The following PGAP1 variants were observed in gnomAD, a reference collection of about 807,000 sequenced individuals.
PGAP1 encodes the protein post-GPI attachment to proteins inositol deacylase 1.
A neutral mutation model predicts 127.0 loss-of-function variants in PGAP1; 76 were observed. The observed-to-expected ratio is 0.60, with a 90% CI of 0.50 to 0.72. PGAP1 has a LOEUF of 0.72. PGAP1 is among the 30% of genes least tolerant of loss of function. The probability of loss-of-function intolerance (pLI) is 0.00; values close to 1 mark genes in which losing one functional copy is unlikely to be tolerated. For missense variants in PGAP1, 982 were observed against 1,071.3 expected (o/e 0.92, Z 1.16); for synonymous variants, 362 against 366.5 (o/e 0.99, Z 0.14).
intron 5 of PGAP1, among the ~76,000 whole-genome samples, chr2:196,900,721 C>T (rs901940866): frequency 7.9e-5 from 12 of 152,142 alleles, no homozygotes; most frequent in Admixed American, 3.3e-4. Flanking sequence ...GTCAGGAGAT[C>T]GAGACCATCC....
intron 2 of PGAP1, among the ~76,000 whole-genome samples, chr2:196,918,973 G>A (rs976808878): frequency 5.3e-5 from 8 of 152,040 alleles, no homozygotes; most frequent in Non-Finnish European, 8.8e-5. Flanking sequence ...GATATGGCCC[G>A]TGGTTACTTT....
At chr2:196,897,749 T>A (rs1702334482) in intron 6 of PGAP1, among the ~76,000 whole-genome samples, 1 of 152,140 alleles carries the variant, frequency 6.6e-6, no homozygotes, top group Non-Finnish European at 1.5e-5. Context: ...ACTCAAAAAC[T>A]TTGGTATTTG....
chr2:196,872,928 A>C, intron 17 of PGAP1, 32 bp downstream of exon 17: 1 of 770,236 alleles, frequency 1.3e-6, no homozygotes, highest in Non-Finnish European at 2.2e-6. Flanking sequence ...CAAAAACACC[A>C]AAGTTTAAAG....
chr2:196,898,269 G>A, intron 6 of PGAP1, 48 bp downstream of exon 6: 3 of 1,261,234 alleles, frequency 2.4e-6, no homozygotes, highest in Non-Finnish European at 3.4e-6. Context: ...TGAGGAGAAA[G>A]AGGACCATGA....
chr2:196,833,588 A>G lies in PGAP1; in HGVS notation c.*7646T>C, dbSNP rs559492203. On this transcript the variant is annotated 3_prime_UTR_variant, in exon 27 of 27. Coordinates refer to ENST00000354764, the MANE Select transcript of PGAP1 (RefSeq NM_024989.4). ...TTTATTACATACCCTTGCTCAAACT[A>G]CCTTCATGTCAATAAGATCATGTTT... The G allele has an allele frequency of 4.8e-4, 73 of 152,278 alleles. No homozygotes were observed. Among genetic ancestry groups the G allele is most frequent in the African/African-American group, 1.7e-3 (70 of 41,578 alleles). 9.4% of individuals were successfully genotyped at this position (152,278 alleles called of 1,614,324 possible). A position where few individuals can be genotyped will look rare whatever the true frequency, so the allele number is the denominator to read the frequency against.
In PGAP1 at chr2:196,919,993, T is replaced by A; in HGVS notation, c.301+4A>T. The stretch of plus-strand genomic sequence containing the variant: ...TTTCAAAATTTACTTCCAGTAAGAC[T>A]TACCTTGCTTATAACTTCCAGCATT... On this transcript the variant is annotated splice_donor_region_variant and intron_variant, in intron 2 of 26. Transcript: ENST00000354764. 6.2e-7 allele frequency: 1 copy of A among 1,604,230 alleles called. No individual in the cohort carries two copies. Among genetic ancestry groups the A allele is most frequent in the Non-Finnish European group, 8.5e-7 (1 of 1,176,954 alleles).
At chr2:196,914,019 G>C (rs1402706542) in intron 3 of PGAP1, among the ~76,000 whole-genome samples, 1 of 152,236 alleles carries the variant, frequency 6.6e-6, no homozygotes, top group South Asian at 2.1e-4. Context: ...CACTATTTCA[G>C]CCATGTCACA....
chr2:196,881,825 CT>C (rs1701742714), intron 12 of PGAP1, among the ~76,000 whole-genome samples: 1 of 152,212 alleles, frequency 6.6e-6, no homozygotes, highest in African/African-American at 2.4e-5. Context: ...TGTCTGTTCA[CT>C]CTGTTGATAG....
intron 20 of PGAP1, among the ~76,000 whole-genome samples, chr2:196,855,325 C>CAAA (rs112534782): frequency 0.017 from 1,122 of 66,988 alleles, 17 homozygotes; most frequent in Middle Eastern, 0.053. Flanking sequence ...ACTCTGTCAC[C>CAAA]AAAAAAAAAA....
intron 1 of PGAP1, among the ~76,000 whole-genome samples, chr2:196,920,684 C>T (rs1426210496): frequency 1.3e-5 from 2 of 152,100 alleles, no homozygotes; most frequent in African/African-American, 2.4e-5. Flanking sequence ...CTTTGGCCTA[C>T]AATATGTGTA....
In PGAP1 at chr2:196,926,619, TGCCGCCACCACCGCCGCCGCC is replaced by T. The variant is rs752609781; in HGVS notation, c.-24_-4del. ...AGATTAACTGAGTGAAGAAACATGGTGCCGCCACCACCGCCGCCGCCGCCGCCGCCCCCTCTACCTCCTTCT... is the reference window on the plus strand; with the variant it reads ...AGATTAACTGAGTGAAGAAACATGGTGCCGCCGCCCCCTCTACCTCCTTCT... On this transcript the variant is annotated 5_prime_UTR_variant, in exon 1 of 27. Transcript: ENST00000354764. 1.9e-6 allele frequency: 3 copies of T among 1,613,884 alleles called. No individual in the cohort carries two copies. The highest frequency in any genetic ancestry group is 2.2e-5 in the South Asian group (2 of 91,080).
At chr2:196,867,062 G>A (rs1701266863) in intron 19 of PGAP1, among the ~76,000 whole-genome samples, 1 of 152,128 alleles carries the variant, frequency 6.6e-6, no homozygotes, top group Non-Finnish European at 1.5e-5. Context: ...AACCATTGTG[G>A]AAGACAGTGT....
At chr2:196,860,143 T>C (rs905377244) in intron 20 of PGAP1, among the ~76,000 whole-genome samples, 2 of 152,002 alleles carry the variant, frequency 1.3e-5, no homozygotes, top group African/African-American at 4.8e-5. Context: ...ACTGTTAGAA[T>C]TGTTTTTTTT....
chr2:196,905,870 C>A (rs1230413466), intron 4 of PGAP1, among the ~76,000 whole-genome samples: 27 of 96,764 alleles, frequency 2.8e-4, no homozygotes, highest in Non-Finnish European at 5.8e-4. Context: ...GTCACTCCCA[C>A]CCGAATATTG....
At position 196,841,081 on chromosome 2, in the gene PGAP1, A is replaced by G; in HGVS notation, c.*153T>C. On this transcript the variant is annotated 3_prime_UTR_variant, in exon 27 of 27. Coordinates refer to ENST00000354764, the MANE Select transcript of PGAP1 (RefSeq NM_024989.4). Reference sequence around the variant, plus strand: ...AACCATGCTTCAACTACTTCCCTCAAACATTACAAAACTAATTTCCTATTT... The same window carrying G: ...AACCATGCTTCAACTACTTCCCTCAGACATTACAAAACTAATTTCCTATTT... 1.1e-6 allele frequency: 1 copy of G among 906,734 alleles called. No homozygotes were observed. Among genetic ancestry groups the G allele is most frequent in the Non-Finnish European group, 1.6e-6 (1 of 606,798 alleles). The allele number at this position is 906,734 out of a possible 1,614,324, so 56.2% of individuals were successfully genotyped here. A position where few individuals can be genotyped will look rare whatever the true frequency, so the allele number is the denominator to read the frequency against.
intron 8 of PGAP1, among the ~76,000 whole-genome samples, 190 bp downstream of exon 8, chr2:196,892,950 C>T (rs1280537550): frequency 6.6e-6 from 1 of 151,924 alleles, no homozygotes; most frequent in Admixed American, 6.6e-5. Context: ...CATGTTGCTT[C>T]TTTTTCCCTT....
At chr2:196,849,440 A>G (rs1372139643) in intron 20 of PGAP1, among the ~76,000 whole-genome samples, 2 of 128,170 alleles carry the variant, frequency 1.6e-5, no homozygotes, top group African/African-American at 2.9e-5. Flanking sequence ...ATTTTTTTGT[A>G]TTTTTTTTTT....
At chr2:196,909,929 A>G (rs1576191291) in intron 4 of PGAP1, among the ~76,000 whole-genome samples, 1 of 3,450 alleles carries the variant, frequency 2.9e-4, no homozygotes, top group East Asian at 7.7e-3. Flanking sequence ...GGAGAACTAC[A>G]AACCACTGCT....
chr2:196,903,542 C>G (rs1218737391), intron 4 of PGAP1, among the ~76,000 whole-genome samples: 1 of 114,548 alleles, frequency 8.7e-6, no homozygotes, highest in Non-Finnish European at 1.6e-5. Flanking sequence ...GCCTGGGCAA[C>G]AGAGCGAGAC....
Sources: allele counts gnomAD v4.1 joint callset (sites outside exome capture counted in the v4.1 genomes callset), GRCh38; gene constraint gnomAD v4.1.1; transcripts MANE v1.5; gene names NCBI Gene and HGNC (gene_info 2026-07-23, HGNC 2026-07-21).